PCDHA5: variants seen among roughly 807,000 people sequenced by gnomAD.
PCDHA5 encodes protocadherin alpha-5.
A neutral mutation model predicts 61.6 loss-of-function variants in PCDHA5; 43 were observed. The ratio of observed to expected loss-of-function variants is 0.70; its 90% CI spans 0.55 to 0.90. The LOEUF is 0.90. PCDHA5 is among the 40% of genes least tolerant of loss of function. The probability of loss-of-function intolerance (pLI) is 0.00; values close to 1 mark genes in which losing one functional copy is unlikely to be tolerated. For synonymous variants in PCDHA5, 627 were observed against 543.9 expected (o/e 1.15, Z -2.13); for missense variants, 1,298 against 1,222.7 (o/e 1.06, Z -0.92).
At chr5:140,874,317 A>G (rs1423586280) in intron 1 of PCDHA5, among the ~76,000 whole-genome samples, 2 of 151,836 alleles carry the variant, frequency 1.3e-5, no homozygotes, top group Admixed American at 1.3e-4. Flanking sequence ...GAGTTGTAGG[A>G]TCTTATCTGT....
intron 1 of PCDHA5, among the ~76,000 whole-genome samples, chr5:140,926,138 T>C (rs2082936633): frequency 6.6e-6 from 1 of 152,004 alleles, no homozygotes; most frequent in African/African-American, 2.4e-5. Flanking sequence ...CGCAGCAGGA[T>C]CCAGCGCGGA....
At chr5:140,837,793 C>T (rs1775259985) in intron 1 of PCDHA5, among the ~76,000 whole-genome samples, 1 of 151,820 alleles carries the variant, frequency 6.6e-6, no homozygotes, top group Admixed American at 6.6e-5. Flanking sequence ...CCTCCCATCT[C>T]AGCCTCTGGA....
At position 140,876,322 on chromosome 5, in the gene PCDHA5, A is replaced by C. The variant is rs146464308; in HGVS notation, c.2352+52195A>C. On this transcript the variant is annotated intron_variant, in intron 1 of 3. Transcript: ENST00000529859. ...AGAAATTTCCTATGGGATCAAAATG[A>C]TTTTGCCAGTGAGTGAGAAATGTAT... 2.9e-4 allele frequency: 465 copies of C among 1,614,034 alleles called. 1 individual carries two copies. In the African/African-American group the frequency reaches 5.7e-3, roughly 20 times the overall value.
At chr5:140,937,402 CACA>C (rs1329840101) in intron 1 of PCDHA5, among the ~76,000 whole-genome samples, 1 of 152,034 alleles carries the variant, frequency 6.6e-6, no homozygotes, top group African/African-American at 2.4e-5. Flanking sequence ...AGGGGTATTG[CACA>C]ACTTTTATTA....
chr5:140,905,540 C>T (rs1294771375), intron 1 of PCDHA5, among the ~76,000 whole-genome samples: 5 of 151,890 alleles, frequency 3.3e-5, no homozygotes, highest in African/African-American at 9.7e-5. Flanking sequence ...TCCATATGAA[C>T]TTTAGGATTG....
chr5:140,952,338 CAAA>C (rs55931446), intron 1 of PCDHA5, among the ~76,000 whole-genome samples: 80,539 of 134,836 alleles, frequency 0.6, 22,945 homozygotes, highest in African/African-American at 0.71. Context: ...AACTCCATCT[CAAA>C]AAAAAAAAAA....
intron 1 of PCDHA5, among the ~76,000 whole-genome samples, chr5:140,978,590 A>G (rs192815977): frequency 2.0e-4 from 31 of 152,334 alleles, no homozygotes; most frequent in African/African-American, 7.5e-4. Context: ...TGTTCCCTTA[A>G]TGGGGCACTT....
chr5:140,977,433 A>G (rs939711301), intron 1 of PCDHA5, among the ~76,000 whole-genome samples: 6 of 152,218 alleles, frequency 3.9e-5, no homozygotes, highest in Non-Finnish European at 7.3e-5. Flanking sequence ...TAACACCGCT[A>G]GTAGATAATG....
intron 1 of PCDHA5, among the ~76,000 whole-genome samples, chr5:140,893,186 T>C (rs2063863300): frequency 6.6e-6 from 1 of 152,230 alleles, no homozygotes; most frequent in Admixed American, 6.5e-5. Context: ...GTAGCTATTG[T>C]GAATAGTGCT....
chr5:140,841,780 G>A (rs2150322576), intron 1 of PCDHA5: 4 of 1,613,890 alleles, frequency 2.5e-6, no homozygotes, highest in East Asian at 2.2e-5. Flanking sequence ...CTCGGTTTCC[G>A]CTAGAGGGCG....
chr5:140,887,349 G>A (rs1311370450), intron 1 of PCDHA5, among the ~76,000 whole-genome samples: 2 of 152,084 alleles, frequency 1.3e-5, no homozygotes, highest in Non-Finnish European at 2.9e-5. Flanking sequence ...ACCTGGCTCG[G>A]CCTCCCAAAG....
chr5:140,927,322 A>T (rs782465180), intron 1 of PCDHA5: 1 of 1,613,780 alleles, frequency 6.2e-7, no homozygotes, highest in Non-Finnish European at 8.5e-7. Flanking sequence ...AGCCCGCTTT[A>T]CTCTCCCGAA....
chr5:140,960,597 C>T (rs1315375637), intron 1 of PCDHA5, among the ~76,000 whole-genome samples: 1 of 152,092 alleles, frequency 6.6e-6, no homozygotes, highest in South Asian at 2.1e-4. Context: ...ATTCAAGGTA[C>T]TTCAACAATA....
intron 1 of PCDHA5, chr5:140,863,268 G>A: frequency 6.9e-7 from 1 of 1,459,352 alleles, no homozygotes; most frequent in Non-Finnish European, 9.3e-7. Context: ...GGGAGGCAGC[G>A]CTGGTGGATG....
intron 3 of PCDHA5, among the ~76,000 whole-genome samples, chr5:140,990,731 A>G (rs1554251699): frequency 1.3e-5 from 2 of 152,166 alleles, no homozygotes; most frequent in South Asian, 4.1e-4. Flanking sequence ...AGGTATATCA[A>G]CAGCCCTAGG....
At position 140,870,703 on chromosome 5, in the gene PCDHA5, G is replaced by C. The variant is rs899824906; in HGVS notation, c.2352+46576G>C. On this transcript the variant is annotated intron_variant, in intron 1 of 3. Coordinates refer to ENST00000529859, the MANE Select transcript of PCDHA5 (RefSeq NM_018908.3). ...GGAGCTGGAGCTGCTACAGTTCCAG[G>C]TGAGCGCGCGCGATGCGGGCGTGCC... is the stretch of plus-strand genomic sequence containing the variant. 6 of 1,613,034 alleles carry C rather than the reference G, an allele frequency of 3.7e-6. No homozygotes were observed. In the Admixed American group the frequency reaches 1.0e-4, roughly 27 times the overall value.
At chr5:140,999,755 A>G (rs932293037) in intron 3 of PCDHA5, among the ~76,000 whole-genome samples, 1 of 152,168 alleles carries the variant, frequency 6.6e-6, no homozygotes, top group South Asian at 2.1e-4. Context: ...TTCGCAGCAC[A>G]TGATGTCTTT....
chr5:140,851,028 C>T lies in PCDHA5; in HGVS notation c.2352+26901C>T, dbSNP rs574627365. The T allele has an allele frequency of 7.8e-6, 11 of 1,410,018 alleles. 1 individual carries two copies. The highest frequency in any genetic ancestry group is 3.7e-5 in the South Asian group (2 of 54,752). 87.3% of individuals were successfully genotyped at this position (1,410,018 alleles called of 1,614,324 possible). ...GATTTTTTTTCTGATAAAGTAAACC[C>T]CTTAACATTGGAGCCGACTTTGTCT... On this transcript the variant is annotated intron_variant, in intron 1 of 3. Transcript: ENST00000529859.
chr5:140,829,101 T>C lies in PCDHA5; in HGVS notation c.2352+4974T>C, dbSNP rs2150162568. 8 of 1,611,922 alleles carry C rather than the reference T, an allele frequency of 5.0e-6. No homozygotes were observed. In the Admixed American group the frequency reaches 1.3e-4, roughly 27 times the overall value. ...CCCATGGCGGGTCATTGCACCGTTT[T>C]AGTGAGAATTTTGGATAAAAATGAT... On this transcript the variant is annotated intron_variant, in intron 1 of 3. Transcript: ENST00000529859.
Sources: gnomAD v4.1 joint callset for allele counts (sites outside exome capture counted in the v4.1 genomes callset) on GRCh38, gnomAD v4.1.1 for gene constraint, MANE v1.5 for transcripts, NCBI Gene and HGNC (gene_info 2026-07-23, HGNC 2026-07-21) for gene names.